The following MORC1 variants were observed in gnomAD, a reference collection of about 807,000 sequenced individuals.
The protein encoded by MORC1 is MORC family CW-type zinc finger 1.
Under a neutral mutation model 134.9 loss-of-function variants are expected in MORC1, and 59 were observed. The ratio of observed to expected loss-of-function variants is 0.44; its 90% CI spans 0.35 to 0.54. The LOEUF (loss-of-function observed/expected upper bound fraction) is 0.54. Among genes scored for constraint, MORC1 ranks in the 20% least tolerant of loss-of-function variants. The pLI is 0.00. For missense variants in MORC1, 947 were observed against 1,134.5 expected (o/e 0.83, Z 2.37); for synonymous variants, 395 against 391.7 (o/e 1.01, Z -0.10).
chr3:108,977,594 C>T (rs1297890701), intron 24 of MORC1, among the ~76,000 whole-genome samples: 1 of 152,156 alleles, frequency 6.6e-6, no homozygotes, highest in African/African-American at 2.4e-5. Context: ...CATATCTATA[C>T]ATTTTTAATG....
chr3:108,987,053 T>C (rs1947913361), intron 21 of MORC1, 104 bp from the exon 22 acceptor site: 2 of 775,362 alleles, frequency 2.6e-6, no homozygotes, highest in African/African-American at 1.8e-5. Context: ...AAAGAAATCA[T>C]AATGTTAGCA....
At chr3:108,967,839 C>G (rs1327293687) in intron 26 of MORC1, among the ~76,000 whole-genome samples, 3 of 151,588 alleles carry the variant, frequency 2.0e-5, no homozygotes, top group Non-Finnish European at 4.4e-5. Context: ...AAACAAGCGA[C>G]ACGAAAATAG....
chr3:108,982,154 G>A (rs1947743517), intron 23 of MORC1, among the ~76,000 whole-genome samples: 2 of 152,132 alleles, frequency 1.3e-5, no homozygotes, highest in Non-Finnish European at 2.9e-5. Context: ...ATGAAAAGAC[G>A]CTCATCATCA....
In MORC1 at chr3:109,059,843, C is replaced by T. The variant is rs1409853585; in HGVS notation, c.994G>A (p.Val332Ile). 2 of 1,612,694 alleles carry T rather than the reference C, an allele frequency of 1.2e-6. No individual in the cohort carries two copies. The highest frequency in any genetic ancestry group is 1.7e-6 in the Non-Finnish European group (2 of 1,179,318). The change falls in exon 12 of 28, where the codon GTA (valine) becomes ATA (isoleucine). Residue 332 changes from valine to isoleucine, a missense_variant. Val to Ile is a conservative substitution (Grantham distance 29). Transcript: ENST00000232603. ...TTAAGATTCTTTTGCTTTGCTTCTA[C>T]ATCTTCCAAAGCTCTCTGTAATACA... ...KDVLQRALED[V>I]EAKQKNLKEK...
chr3:109,031,794 T>C lies in MORC1; in HGVS notation c.1565+926A>G, dbSNP rs79920493. The stretch of plus-strand genomic sequence containing the variant: ...AGCCTCTAATTCAATCAGGACAGTT[T>C]TGCATTTATCTACTTATTTTTGGGT... On this transcript the variant is annotated intron_variant, in intron 16 of 27. Transcript: ENST00000232603. Among the ~76,000 whole-genome samples, 691 of 152,266 alleles carry C rather than the reference T, an allele frequency of 4.5e-3. 5 individuals are homozygous for C. The highest frequency in any genetic ancestry group is 0.016 in the African/African-American group (663 of 41,548).
rs751572393 is a variant in MORC1, at chr3:109,057,367, C to CCACTTTTT, written c.1150_1151insAAAAAGTG (p.Gly384GlufsTer7). 5.3e-5 allele frequency: 85 copies of CCACTTTTT among 1,609,880 alleles called. No individual in the cohort carries two copies. The highest frequency in any genetic ancestry group is 5.3e-5 in the Non-Finnish European group (62 of 1,178,304). ...CAAGGACTTCAGTTTCAACTGTGAG[C>CCACTTTTT]CCACTTTTTCATGCATTTTGATCAA... On this transcript the variant is annotated frameshift_variant, in exon 13 of 28. Coordinates refer to ENST00000232603, the MANE Select transcript of MORC1 (RefSeq NM_014429.4). LOFTEE classifies it high-confidence loss of function.
At chr3:108,964,744 T>C (rs998165547) in intron 26 of MORC1, among the ~76,000 whole-genome samples, 1 of 152,148 alleles carries the variant, frequency 6.6e-6, no homozygotes, top group Admixed American at 6.6e-5. Flanking sequence ...CAGCATGAGA[T>C]AATACAAATG....
chr3:109,007,482 C>G (rs1055903988), intron 17 of MORC1, among the ~76,000 whole-genome samples: 7 of 152,266 alleles, frequency 4.6e-5, no homozygotes, highest in Admixed American at 3.3e-4. Context: ...GTTCAGAGCT[C>G]TAGGTGTCAG....
chr3:109,044,646 T>C (rs955215864), intron 14 of MORC1, among the ~76,000 whole-genome samples: 4 of 151,576 alleles, frequency 2.6e-5, no homozygotes, highest in African/African-American at 9.7e-5. Flanking sequence ...TTTTGCCTCT[T>C]AAAAATAAGA....
intron 8 of MORC1, among the ~76,000 whole-genome samples, chr3:109,075,736 GCCT>G (rs1950408298): frequency 6.6e-6 from 1 of 152,088 alleles, no homozygotes. Context: ...GTAGCATGAT[GCCT>G]CCATTGTTCT....
intron 14 of MORC1, among the ~76,000 whole-genome samples, chr3:109,049,987 G>A (rs1051173802): frequency 2.0e-5 from 3 of 151,646 alleles, no homozygotes; most frequent in African/African-American, 7.3e-5. Context: ...AGACTGAAGA[G>A]AGACATAATC....
intron 14 of MORC1, among the ~76,000 whole-genome samples, chr3:109,047,643 T>C (rs1220123580): frequency 1.3e-5 from 2 of 152,128 alleles, no homozygotes; most frequent in Non-Finnish European, 2.9e-5. Context: ...ACAGAGTACA[T>C]ATTTATGTCA....
chr3:109,007,100 G>A lies in MORC1; in HGVS notation c.1705-9C>T, dbSNP rs537621224. ...ACTGGTATAAATTGAGGCTTTATGG[G>A]AAAGCAAACCATTAAGGCAAATGTA... On this transcript the variant is annotated splice_polypyrimidine_tract_variant and intron_variant, in intron 17 of 27. Coordinates refer to ENST00000232603, the MANE Select transcript of MORC1 (RefSeq NM_014429.4). The A allele has an allele frequency of 6.2e-7, 1 of 1,605,622 alleles. No individual in the cohort carries two copies.
intron 21 of MORC1, among the ~76,000 whole-genome samples, chr3:108,996,282 GCGCGCACA>G (rs1948215674): frequency 4.1e-5 from 2 of 48,738 alleles, no homozygotes; most frequent in South Asian, 1.1e-3. Context: ...GCGTGCGCGC[GCGCGCACA>G]CACACACACA....
intron 17 of MORC1, among the ~76,000 whole-genome samples, chr3:109,008,928 C>G (rs192841430): frequency 1.3e-5 from 2 of 152,138 alleles, no homozygotes; most frequent in Admixed American, 6.5e-5. Context: ...TTGAGGCAAA[C>G]GTCAAACTAC....
In MORC1 at chr3:108,959,070, C is replaced by T. The variant is rs751462512; in HGVS notation, c.2850G>A (p.Leu950=). The T allele has an allele frequency of 3.8e-6, 6 of 1,585,018 alleles. No individual in the cohort carries two copies. The Admixed American group carries it at 5.4e-5, about 14-fold the overall frequency. Residue 950 remains leucine, a synonymous_variant, in exon 28 of 28, where the codon TTG becomes TTA. Transcript: ENST00000232603. The stretch of plus-strand genomic sequence containing the variant: ...GGAAGAGAAGATTATCTTCTTTAAG[C>T]AAAGCTTCTAAATAAGTGTCAGTCT... ...LEQTDTYLEA[L]LKEDNLLFQN... is the part of the protein sequence containing the mutation.
chr3:109,111,859 C>G (rs906825880), intron 2 of MORC1, among the ~76,000 whole-genome samples: 2 of 152,210 alleles, frequency 1.3e-5, no homozygotes, highest in Non-Finnish European at 2.9e-5. Context: ...TCCCATATAG[C>G]TCCTTCCTCT....
At position 109,022,353 on chromosome 3, in the gene MORC1, C is replaced by T. The variant is rs115573974; in HGVS notation, c.1704+5398G>A. 5.1e-3 allele frequency among the ~76,000 whole-genome samples: 779 copies of T among 152,296 alleles called. 18 individuals are homozygous for T. The highest frequency in any genetic ancestry group is 0.018 in the African/African-American group (748 of 41,542). On this transcript the variant is annotated intron_variant, in intron 17 of 27. Transcript: ENST00000232603. ...TCATACAAAGCTGTACTCAGATACG[C>T]CATTCAATCTGAAAAACACAGCTAA...
chr3:109,033,874 TA>T (rs1274695741), intron 15 of MORC1, among the ~76,000 whole-genome samples: 1 of 152,176 alleles, frequency 6.6e-6, no homozygotes, highest in Admixed American at 6.5e-5. Flanking sequence ...TCTCATTTCA[TA>T]AAAGAAGAAA....
Sources: allele counts gnomAD v4.1 joint callset (sites outside exome capture counted in the v4.1 genomes callset), GRCh38; gene constraint gnomAD v4.1.1; transcripts MANE v1.5; gene names NCBI Gene and HGNC (gene_info 2026-07-23, HGNC 2026-07-21).